Variants in ADAMTS3 observed in about 807,000 individuals in gnomAD.
ADAMTS3 encodes ADAM metallopeptidase with thrombospondin type 1 motif 3, also known as A disintegrin and metalloproteinase with thrombospondin motifs 3.
In ADAMTS3, 73 loss-of-function variants were observed where a neutral mutation model predicts 129.0. The observed-to-expected ratio is 0.57, with a 90% CI of 0.47 to 0.69. The LOEUF (loss-of-function observed/expected upper bound fraction) is 0.69, where lower values mean the gene tolerates loss of function less well. Ranked by LOEUF, ADAMTS3 falls within the 30% of genes least tolerant of loss-of-function variation. The probability of loss-of-function intolerance (pLI) is 0.00; values close to 1 mark genes in which losing one functional copy is unlikely to be tolerated. For synonymous variants in ADAMTS3, 477 were observed against 510.8 expected, an observed-to-expected ratio of 0.93 and a Z score of 0.89; for missense variants, 1,457 against 1,514.5, an observed-to-expected ratio of 0.96 and a Z score of 0.63.
intron 3 of ADAMTS3, among the ~76,000 whole-genome samples, chr4:72,453,439 C>T (rs1047657802): frequency 6.6e-6 from 1 of 151,726 alleles, no homozygotes; most frequent in South Asian, 2.1e-4. Context: ...GACATGCAAA[C>T]TACCCAACAA....
chr4:72,377,079 T>G (rs1406404185), intron 4 of ADAMTS3, among the ~76,000 whole-genome samples: 1 of 152,190 alleles, frequency 6.6e-6, no homozygotes, highest in Non-Finnish European at 1.5e-5. Context: ...CCATGCCAGA[T>G]GGCATATAGC....
Position 72,530,789 on chromosome 4 carries a change from TTATATATTA to T in ADAMTS3, c.504+17680_504+17688del, listed in dbSNP as rs1323145249. Among the ~76,000 whole-genome samples the T allele has an allele frequency of 4.0e-4, 38 of 94,724 alleles. 1 individual carries two copies. The highest frequency in any genetic ancestry group is 3.9e-4 in the Non-Finnish European group (20 of 50,730). The allele number at this position is 94,724 out of a possible 152,430, so 62.1% of individuals were successfully genotyped here. On this transcript the variant is annotated intron_variant, in intron 3 of 21. Transcript: ENST00000286657. ...TAGATTATATATATTATATTATACA[TTATATATTA>T]TATATATTATATATTATATATTATA...
rs187683714 is a variant in ADAMTS3, at chr4:72,516,497, C to T, written c.504+31981G>A. ...GGAATGTTCTTCCATTTGTCTGTATCCTTTTTTATTTCATTGAGCAGTGGT... is the reference window on the plus strand; with the variant it reads ...GGAATGTTCTTCCATTTGTCTGTATTCTTTTTTATTTCATTGAGCAGTGGT... On this transcript the variant is annotated intron_variant, in intron 3 of 21. Transcript: ENST00000286657. 7.0e-3 allele frequency among the ~76,000 whole-genome samples: 1,061 copies of T among 152,186 alleles called. 6 individuals carry two copies. The highest frequency in any genetic ancestry group is 0.01 in the Non-Finnish European group (693 of 67,994).
intron 4 of ADAMTS3, among the ~76,000 whole-genome samples, chr4:72,402,472 T>G (rs1382370943): frequency 1.3e-5 from 2 of 152,178 alleles, no homozygotes; most frequent in Non-Finnish European, 2.9e-5. Context: ...TTTAATATTG[T>G]CTTCACAGTT....
At chr4:72,437,503 TTGTATAGCA>T (rs1489741482) in intron 3 of ADAMTS3, among the ~76,000 whole-genome samples, 2 of 151,764 alleles carry the variant, frequency 1.3e-5, no homozygotes, top group African/African-American at 4.8e-5. Flanking sequence ...ATACTAGGAA[TTGTATAGCA>T]TGATCATAGT....
At chr4:72,402,220 T>C (rs1721942607) in intron 4 of ADAMTS3, among the ~76,000 whole-genome samples, 1 of 152,192 alleles carries the variant, frequency 6.6e-6, no homozygotes, top group South Asian at 2.1e-4. Context: ...AATATTCACA[T>C]GAAGTCCCTA....
At chr4:72,351,921 T>C (rs747243582) in intron 4 of ADAMTS3, among the ~76,000 whole-genome samples, 1 of 151,822 alleles carries the variant, frequency 6.6e-6, no homozygotes, top group Non-Finnish European at 1.5e-5. Flanking sequence ...AGGCAAGAAA[T>C]AAATTTTATA....
chr4:72,558,616 C>A (rs781420930), intron 2 of ADAMTS3, among the ~76,000 whole-genome samples: 1 of 151,670 alleles, frequency 6.6e-6, no homozygotes, highest in Non-Finnish European at 1.5e-5. Flanking sequence ...ACATCTTTGG[C>A]GTGCCATTAT....
chr4:72,361,235 G>T (rs1720719501), intron 4 of ADAMTS3, among the ~76,000 whole-genome samples: 1 of 151,960 alleles, frequency 6.6e-6, no homozygotes, highest in Admixed American at 6.6e-5. Flanking sequence ...TCCCAAGCTG[G>T]TGCTTCATCT....
At chr4:72,550,580 A>T (rs1721620611) in intron 2 of ADAMTS3, among the ~76,000 whole-genome samples, 1 of 152,166 alleles carries the variant, frequency 6.6e-6, no homozygotes, top group South Asian at 2.1e-4. Flanking sequence ...CTGTAGTATG[A>T]GTCAAGTGAA....
intron 3 of ADAMTS3, among the ~76,000 whole-genome samples, chr4:72,529,087 AAT>A (rs1362111109): frequency 2.0e-5 from 3 of 152,188 alleles, no homozygotes; most frequent in African/African-American, 7.2e-5. Flanking sequence ...TCAAATGATG[AAT>A]ATGAACCCCT....
At chr4:72,530,031 A>ATAATATATTATATTTATATAT (rs375982827) in intron 3 of ADAMTS3, among the ~76,000 whole-genome samples, 998 of 3,086 alleles carry the variant, frequency 0.32, 467 homozygotes, top group Non-Finnish European at 0.4. Flanking sequence ...TTTATATATA[A>ATAATATATTATATTTATATAT]ATATAATATA....
chr4:72,454,981 A>G (rs1321023626), intron 3 of ADAMTS3, among the ~76,000 whole-genome samples: 1 of 151,748 alleles, frequency 6.6e-6, no homozygotes, highest in African/African-American at 2.4e-5. Context: ...TTTTTATGAG[A>G]AATGTATGAG....
At chr4:72,522,613 C>T (rs1313710578) in intron 3 of ADAMTS3, among the ~76,000 whole-genome samples, 1 of 152,124 alleles carries the variant, frequency 6.6e-6, no homozygotes, top group Non-Finnish European at 1.5e-5. Context: ...TTATGACTAA[C>T]TTTAGATTAA....
chr4:72,473,933 T>C (rs1719152194), intron 3 of ADAMTS3, among the ~76,000 whole-genome samples: 1 of 152,188 alleles, frequency 6.6e-6, no homozygotes, highest in African/African-American at 2.4e-5. Flanking sequence ...GTGAAGACCA[T>C]GTGGAGAGCC....
At chr4:72,501,026 T>C (rs1397823352) in intron 3 of ADAMTS3, among the ~76,000 whole-genome samples, 4 of 152,186 alleles carry the variant, frequency 2.6e-5, no homozygotes, top group Non-Finnish European at 4.4e-5. Context: ...CCTTATTGTA[T>C]AGTTTGAGGT....
intron 3 of ADAMTS3, among the ~76,000 whole-genome samples, chr4:72,442,960 C>CT (rs775322174): frequency 1.3e-5 from 2 of 151,710 alleles, no homozygotes; most frequent in Non-Finnish European, 2.9e-5. Context: ...CAAACCTCAG[C>CT]TTTCCCTTTT....
intron 2 of ADAMTS3, among the ~76,000 whole-genome samples, chr4:72,556,550 T>C (rs1314908105): frequency 2.0e-5 from 3 of 151,794 alleles, no homozygotes; most frequent in Non-Finnish European, 4.4e-5. Context: ...CCCAGGCACA[T>C]AGAATATTGA....
intron 5 of ADAMTS3, among the ~76,000 whole-genome samples, chr4:72,332,119 A>G (rs1420973384): frequency 6.6e-6 from 1 of 152,246 alleles, no homozygotes; most frequent in Non-Finnish European, 1.5e-5. Flanking sequence ...GAAACGGATT[A>G]TAGATAATGA....
Sources: allele counts gnomAD v4.1 joint callset (sites outside exome capture counted in the v4.1 genomes callset), GRCh38; gene constraint gnomAD v4.1.1; transcripts MANE v1.5; gene names NCBI Gene and HGNC (gene_info 2026-07-23, HGNC 2026-07-21).